FLNA: variants seen among roughly 807,000 people sequenced by gnomAD.
FLNA encodes filamin A.
In FLNA, 7 loss-of-function variants were observed where a neutral mutation model predicts 157.6. That is an observed-to-expected ratio of 0.04 (90% CI 0.03 to 0.08). The LOEUF is 0.08. Ranked by LOEUF, FLNA falls within the 10% of genes least tolerant of loss-of-function variation. The probability of loss-of-function intolerance (pLI) is 1.00; values close to 1 mark genes in which losing one functional copy is unlikely to be tolerated. For missense variants in FLNA, 1,750 were observed against 2,398.4 expected (o/e 0.73, Z 5.65); for synonymous variants, 1,103 against 1,060.8 (o/e 1.04, Z -0.77).
intron 5 of FLNA, 102 bp from the exon 6 acceptor site, chrX:154,366,952 CCAAACTGGGCAAGTT>C: frequency 3.1e-6 from 2 of 652,464 alleles, no homozygotes; most frequent in South Asian, 4.5e-5. Context: ...CAGGCACATT[CCAAACTGGGCAAGTT>C]CATTCAGTGT....
At chrX:154,354,753 C>T in intron 31 of FLNA, 42 bp from the exon 32 acceptor site, 4 of 1,209,367 alleles carry the variant, frequency 3.3e-6, no homozygotes, top group Non-Finnish European at 4.5e-6. Flanking sequence ...TCTGTTGTCA[C>T]AGAGGGGCCC....
rs782741007 is a variant in FLNA at position 154,362,752 on chromosome X, C to T, written c.2313G>A (p.Lys771=). 3.7e-5 allele frequency: 44 copies of T among 1,202,729 alleles called. No homozygotes were observed. The South Asian group carries it at 6.3e-4, about 17-fold the overall frequency. ...VNVGAGSHPN[K]VKVYGPGVAK... is the part of the protein sequence containing the mutation. Reference sequence around the variant, plus strand: ...CTACTCCGGGGCCGTATACTTTGACCTTGTTGGGGTGGCTGCCAGCTCCCA... The same window carrying T: ...CTACTCCGGGGCCGTATACTTTGACTTTGTTGGGGTGGCTGCCAGCTCCCA... Residue 771 remains lysine, a synonymous_variant, in exon 16 of 48, where the codon AAG becomes AAA. Coordinates refer to ENST00000369850, the MANE Select transcript of FLNA (RefSeq NM_001110556.2).
rs781783590 is a variant in FLNA at position 154,348,990 on chromosome X, G to A, written c.7803C>T (p.Cys2601=). ...CCACGTGCTTCACCAGGATCTCCTC[G>A]CAGGGGGTCCTTGGGCCATGAACCC... ...LVGVHGPRTP[C]EEILVKHVGS... The change falls in exon 48 of 48, where the codon TGC becomes TGT. Residue 2601 remains cysteine (C), a synonymous_variant. Coordinates refer to ENST00000369850, the MANE Select transcript of FLNA (RefSeq NM_001110556.2). The A allele has an allele frequency of 1.7e-5, 20 of 1,209,617 alleles. No homozygotes were observed. Among genetic ancestry groups the A allele is most frequent in the South Asian group, 8.8e-5 (5 of 56,830 alleles).
At position 154,349,455 on chromosome X, in the gene FLNA, C is replaced by T. The variant is rs2067601242; in HGVS notation, c.7663G>A (p.Ala2555Thr). 8.3e-7 allele frequency: 1 copy of T among 1,211,257 alleles called. No individual in the cohort carries two copies. The highest frequency in any genetic ancestry group is 1.7e-5 in the African/African-American group (1 of 57,803). The change falls in exon 47 of 48, where the codon GCT becomes ACT. Residue 2555 changes from alanine (A) to threonine (T), a missense_variant. Around this residue, in one of 5 missense-constraint regions of FLNA, gnomAD observed 970 missense variants for 1,302.6 expected, o/e 0.74. Coordinates refer to ENST00000369850, the MANE Select transcript of FLNA (RefSeq NM_001110556.2). ...TTGGCCACCACCTTGCTGGCGTCAG[C>T]AGGCCCAGGACCCGGGGCCCCATGC... is the stretch of plus-strand genomic sequence containing the variant. Reference protein sequence around the residue: ...PQHGAPGPGPADASKVVAKGL... With the variant: ...PQHGAPGPGPTDASKVVAKGL...
chrX:154,368,145 C>T (rs2067777356), intron 2 of FLNA, 55 bp from the exon 3 acceptor site: 1 of 1,206,239 alleles, frequency 8.3e-7, no homozygotes, highest in African/African-American at 1.8e-5. Flanking sequence ...AGGGGCCGAT[C>T]CCAGGCTTTG....
In FLNA at chrX:154,371,277, T is replaced by C. The variant is rs921485315; in HGVS notation, c.-32A>G. 2.5e-6 allele frequency: 3 copies of C among 1,193,626 alleles called. No homozygotes were observed. Among genetic ancestry groups the C allele is most frequent in the Non-Finnish European group, 3.4e-6 (3 of 889,910 alleles). On this transcript the variant is annotated 5_prime_UTR_variant, in exon 2 of 48. Coordinates refer to ENST00000369850, the MANE Select transcript of FLNA (RefSeq NM_001110556.2). ...GCGCGAGAAGCCGGGGGGGCGGTGC[T>C]GCAGCCTCGGCGAGGGGACGGCCCT...
rs1354645276 is a variant in FLNA at position 154,358,974 on chromosome X, A to G, written c.4474+10T>C. Reference sequence around the variant, plus strand: ...TCCTGACCCCTGGCTCCAGGCATGCAAACACTCACCTTTGGGCCCTTGCAC... The same window carrying G: ...TCCTGACCCCTGGCTCCAGGCATGCGAACACTCACCTTTGGGCCCTTGCAC... On this transcript the variant is annotated intron_variant, in intron 26 of 47. Transcript: ENST00000369850. The G allele has an allele frequency of 8.3e-7, 1 of 1,208,939 alleles. No individual in the cohort carries two copies. Among genetic ancestry groups the G allele is most frequent in the African/African-American group, 1.7e-5 (1 of 57,327 alleles).
Position 154,348,692 on chromosome X carries a change from TG to T in FLNA, c.*156del. ...GAAAGCCGAGAGGTCAGCGGCTGGC[TG>T]GGGAGGCAGGTGAGCGCAGCACGGC... On this transcript the variant is annotated 3_prime_UTR_variant, in exon 48 of 48. Coordinates refer to ENST00000369850, the MANE Select transcript of FLNA (RefSeq NM_001110556.2). 2.2e-6 allele frequency: 1 copy of T among 460,777 alleles called. No homozygotes were observed. The highest frequency in any genetic ancestry group is 3.6e-6 in the Non-Finnish European group (1 of 277,884). 38.0% of individuals were successfully genotyped at this position (460,777 alleles called of 1,213,427 possible).
chrX:154,370,647 C>A (rs2148121587), intron 2 of FLNA, among the ~76,000 whole-genome samples: 1 of 113,055 alleles, frequency 8.8e-6, no homozygotes, highest in Non-Finnish European at 1.9e-5. Flanking sequence ...CGCCGGCCAG[C>A]CGGGGCGCAG....
chrX:154,357,826 C>A, intron 28 of FLNA, among the ~76,000 whole-genome samples: 1 of 112,859 alleles, frequency 8.9e-6, no homozygotes, highest in Admixed American at 9.3e-5. Context: ...TCCCACATGA[C>A]AACAGGCGCG....
At position 154,366,804 on chromosome X, in the gene FLNA, A is replaced by G. The variant is rs782439408; in HGVS notation, c.915T>C (p.Thr305=). Residue 305 remains threonine, a synonymous_variant, in exon 6 of 48, where the codon ACT becomes ACC. Coordinates refer to ENST00000369850, the MANE Select transcript of FLNA (RefSeq NM_001110556.2). The part of the protein sequence containing the change: ...GNMVKKRAEF[T]VETRSAGQGE... ...CCTGGCCAGCACTTCTGGTCTCCAC[A>G]GTGAACTCTGCCCGCTTCTTCACCA... is the stretch of plus-strand genomic sequence containing the variant. 10 of 1,211,666 alleles carry G rather than the reference A, an allele frequency of 8.3e-6. No homozygotes were observed. The Middle Eastern group carries it at 2.1e-3, about 250-fold the overall frequency.
At chrX:154,351,290 A>G in intron 43 of FLNA, 1 of 442,748 alleles carries the variant, frequency 2.3e-6, no homozygotes, top group South Asian at 3.3e-5. Context: ...CCCTGTGGGC[A>G]GCACCCAGCC....
intron 1 of FLNA, among the ~76,000 whole-genome samples, chrX:154,371,717 G>A (rs1347293055): frequency 8.9e-6 from 1 of 112,978 alleles, no homozygotes; most frequent in African/African-American, 3.2e-5. Context: ...GGGCCCCTGC[G>A]GGGGGTGGGG....
chrX:154,349,881 A>T lies in FLNA; in HGVS notation c.7334-14T>A. ...CAGCTGGGTTCCCTGGGAGCACAGG[A>T]GGTCAGGCAGAGCCAGACTGGCCTG... On this transcript the variant is annotated splice_polypyrimidine_tract_variant and intron_variant, in intron 45 of 47. Coordinates refer to ENST00000369850, the MANE Select transcript of FLNA (RefSeq NM_001110556.2). The T allele has an allele frequency of 8.3e-7, 1 of 1,205,501 alleles. No individual in the cohort carries two copies. The highest frequency in any genetic ancestry group is 1.1e-6 in the Non-Finnish European group (1 of 890,441).
chrX:154,367,573 G>A lies in FLNA; in HGVS notation c.721-29C>T, dbSNP rs782328693. The stretch of plus-strand genomic sequence containing the variant: ...TCACAGGCAGAAAACAGGAGCCATC[G>A]GGCCTCCGAGTCTCTCCCAACTGCC... On this transcript the variant is annotated intron_variant, in intron 4 of 47. Transcript: ENST00000369850. 8.3e-6 allele frequency: 10 copies of A among 1,211,034 alleles called. No individual in the cohort carries two copies. The East Asian group carries it at 2.4e-4, about 29-fold the overall frequency.
Position 154,366,167 on chromosome X carries a change from G to A in FLNA, c.1286C>T (p.Thr429Met), listed in dbSNP as rs36051194. Residue 429 changes from threonine (T) to methionine (M), a missense_variant, in exon 9 of 48, where the codon ACG becomes ATG. Thr to Met is a moderately conservative substitution (Grantham distance 81). Transcript: ENST00000369850. ...CCGGGCCTCCAGCTGAGGCTCTACC[G>A]TGCCCTTCTGTCCCATGGGGTCCTG... Reference protein sequence around the residue: ...VIQDPMGQKGTVEPQLEARGD... With the variant: ...VIQDPMGQKGMVEPQLEARGD... The A allele has an allele frequency of 0.017, 20,456 of 1,209,111 alleles. 168 individuals carry two copies. The highest frequency in any genetic ancestry group is 0.018 in the Non-Finnish European group (16,391 of 895,023).
chrX:154,366,128 T>G lies in FLNA; in HGVS notation c.1325A>C (p.Tyr442Ser). The G allele has an allele frequency of 2.5e-6, 3 of 1,210,018 alleles. No homozygotes were observed. Among genetic ancestry groups the G allele is most frequent in the Non-Finnish European group, 3.4e-6 (3 of 894,963 alleles). ...PQLEARGDST[Y>S]RCSYQPTMEG... ...CATGGTGGGCTGGTAGCTGCAGCGGTATGTGCTGTCGCCCCGGGCCTCCAG... is the reference window on the plus strand; with the variant it reads ...CATGGTGGGCTGGTAGCTGCAGCGGGATGTGCTGTCGCCCCGGGCCTCCAG... The change falls in exon 9 of 48, where the codon TAC becomes TCC. Residue 442 changes from tyrosine to serine, a missense_variant. Physicochemically the swap from Tyr to Ser is moderately radical, Grantham distance 144 (BLOSUM62 -2). Transcript: ENST00000369850.
At chrX:154,361,629 ATGTGACAAAGGCCTT>A in intron 20 of FLNA, 26 bp downstream of exon 20, 3 of 1,206,933 alleles carry the variant, frequency 2.5e-6, no homozygotes, top group Non-Finnish European at 3.4e-6. Context: ...CAATCCCTGG[ATGTGACAAAGGCCTT>A]TGCGACAAGG....
rs1187975904 is a variant in FLNA, at chrX:154,349,834, T to C, written c.7367A>G (p.Asn2456Ser). 5.8e-6 allele frequency: 7 copies of C among 1,210,108 alleles called. No homozygotes were observed. In the East Asian group the frequency reaches 2.1e-4, roughly 36 times the overall value. The change falls in exon 46 of 48, where the codon AAT becomes AGT. Residue 2456 changes from asparagine to serine, a missense_variant. Asn to Ser is a conservative substitution (Grantham distance 46). Around this residue, in one of 5 missense-constraint regions of FLNA, gnomAD observed 970 missense variants for 1,302.6 expected, o/e 0.74. Transcript: ENST00000369850. ...NPAEFVVNTS[N>S]AGAGALSVTI... is the part of the protein sequence containing the mutation. ...CACCGACAGGGCACCAGCTCCCGCA[T>C]TGCTCGTGTTCACGACGAACTCAGC...
Sources: gnomAD v4.1 joint callset for allele counts (sites outside exome capture counted in the v4.1 genomes callset) on GRCh38, gnomAD v4.1.1 for gene constraint, gnomAD v4.1.1 regional missense constraint, MANE v1.5 for transcripts, NCBI Gene and HGNC (gene_info 2026-07-23, HGNC 2026-07-21) for gene names.